The following TOP1 variants were observed in gnomAD, a reference collection of about 807,000 sequenced individuals.
TOP1 encodes DNA topoisomerase 1.
A neutral mutation model predicts 111.1 loss-of-function variants in TOP1; 10 were observed. The ratio of observed to expected loss-of-function variants is 0.09; its 90% CI spans 0.06 to 0.15. The LOEUF is 0.15. TOP1 is among the 10% of genes least tolerant of loss of function. The pLI, the probability that TOP1 is intolerant of heterozygous loss-of-function variation, is 1.00. For missense variants in TOP1, 474 were observed against 926.7 expected (o/e 0.51, Z 6.34); for synonymous variants, 271 against 302.9 (o/e 0.89, Z 1.10).
In TOP1 at chr20:41,082,522, A is replaced by T. The variant is rs1356799446; in HGVS notation, c.507+1282A>T. 6.6e-6 allele frequency among the ~76,000 whole-genome samples: 1 copy of T among 152,204 alleles called. No individual in the cohort carries two copies. Among genetic ancestry groups the T allele is most frequent in the Non-Finnish European group, 1.5e-5 (1 of 68,022 alleles). ...GTGCCAGCACACCAGCTACTATATTATCCTACCTCCCCTGGGACTTTGCTG... is the reference window on the plus strand; with the variant it reads ...GTGCCAGCACACCAGCTACTATATTTTCCTACCTCCCCTGGGACTTTGCTG... On this transcript the variant is annotated intron_variant, in intron 7 of 20. Coordinates refer to ENST00000361337, the MANE Select transcript of TOP1 (RefSeq NM_003286.4). This position sits in a 1 kb window ranked among gnomAD's most constrained non-coding sequence, Gnocchi z 4.1.
intron 18 of TOP1, among the ~76,000 whole-genome samples, chr20:41,120,719 A>G (rs2034408788): frequency 6.6e-6 from 1 of 152,218 alleles, no homozygotes; most frequent in Non-Finnish European, 1.5e-5. Flanking sequence ...TTGAGTGACA[A>G]CTAAGGTCCT....
rs2033077619 is a variant in TOP1, at chr20:41,028,996, A to C, written c.-72A>C. On this transcript the variant is annotated 5_prime_UTR_variant, in exon 1 of 21. Coordinates refer to ENST00000361337, the MANE Select transcript of TOP1 (RefSeq NM_003286.4). ...GCCTCCGGAGTCCCCGTCCGCCCGC[A>C]CAGGCCGGTTCGCCGTCTGCGTCTC... The C allele has an allele frequency of 7.2e-7, 1 of 1,385,642 alleles. No homozygotes were observed. Among genetic ancestry groups the C allele is most frequent in the African/African-American group, 1.5e-5 (1 of 67,526 alleles). 85.8% of individuals were successfully genotyped at this position (1,385,642 alleles called of 1,614,324 possible).
chr20:41,121,656 C>A lies in TOP1; in HGVS notation c.1951-40C>A. The A allele has an allele frequency of 6.5e-7, 1 of 1,541,544 alleles. No homozygotes were observed. Among genetic ancestry groups the A allele is most frequent in the Non-Finnish European group, 9.0e-7 (1 of 1,115,010 alleles). ...CACCTTCTCAGGTGGAGCCATTTTT[C>A]CTCTACAGCTCATAACCTTACCACT... On this transcript the variant is annotated intron_variant, in intron 18 of 20. Transcript: ENST00000361337. The surrounding 1 kb of genome is among the most constrained non-coding windows in gnomAD (Gnocchi z 4.2).
chr20:41,059,925 GC>G (rs1473479014), intron 2 of TOP1, among the ~76,000 whole-genome samples: 4 of 152,164 alleles, frequency 2.6e-5, no homozygotes, highest in African/African-American at 9.7e-5. Flanking sequence ...ACCAAAAGAT[GC>G]TTGTCATTAA....
At chr20:41,103,732 G>C (rs190412530) in intron 13 of TOP1, among the ~76,000 whole-genome samples, 1 of 152,192 alleles carries the variant, frequency 6.6e-6, no homozygotes, top group East Asian at 1.9e-4. Flanking sequence ...TCTTCCCTCA[G>C]AACGACCAAG....
intron 3 of TOP1, among the ~76,000 whole-genome samples, chr20:41,064,479 C>A (rs2033583765): frequency 6.6e-6 from 1 of 152,220 alleles, no homozygotes; most frequent in Non-Finnish European, 1.5e-5. Context: ...AATGCACAGT[C>A]ATTCCTTAAC....
Position 41,116,507 on chromosome 20 carries a change from A to C in TOP1, c.1822+115A>C, listed in dbSNP as rs1166794986. ...TTTTTCCCTACCATTGTGGTCAGAC[A>C]CTTTTTCCCTTTAGACCTCTAGTAG... On this transcript the variant is annotated intron_variant, in intron 17 of 20. Transcript: ENST00000361337. This position sits in a 1 kb window ranked among gnomAD's most constrained non-coding sequence, Gnocchi z 5.6. 2 of 743,510 alleles carry C rather than the reference A, an allele frequency of 2.7e-6. No individual in the cohort carries two copies. The highest frequency in any genetic ancestry group is 2.4e-5 in the Admixed American group (1 of 41,860). 46.1% of individuals were successfully genotyped at this position (743,510 alleles called of 1,614,324 possible).
Position 41,061,590 on chromosome 20 carries a change from A to G in TOP1, c.155+100A>G, listed in dbSNP as rs532831179. 2.0e-6 allele frequency: 2 copies of G among 1,001,160 alleles called. No individual in the cohort carries two copies. The highest frequency in any genetic ancestry group is 2.1e-4 in the Middle Eastern group (1 of 4,766). The allele number at this position is 1,001,160 out of a possible 1,614,324, so 62.0% of individuals were successfully genotyped here. ...CTTAACTTGAGCTACATGTAAAGAT[A>G]GCAAAGTAAGTAGAAACTGTATTTG... is the stretch of plus-strand genomic sequence containing the variant. On this transcript the variant is annotated intron_variant, in intron 3 of 20. Coordinates refer to ENST00000361337, the MANE Select transcript of TOP1 (RefSeq NM_003286.4). This position sits in a 1 kb window ranked among gnomAD's most constrained non-coding sequence, Gnocchi z 4.6.
intron 2 of TOP1, among the ~76,000 whole-genome samples, chr20:41,044,270 C>T (rs2122600227): frequency 6.6e-6 from 1 of 152,082 alleles, no homozygotes; most frequent in Non-Finnish European, 1.5e-5. Context: ...AGCAAAACTC[C>T]TTCTCAAAAA....
Position 41,115,567 on chromosome 20 carries a change from C to A in TOP1, c.1707+128C>A. ...CTGGCCTGCTCTGTGGCATCCCATA[C>A]ACTCTCTCTTCCTCCCTCTGAGTCC... On this transcript the variant is annotated intron_variant, in intron 16 of 20. Coordinates refer to ENST00000361337, the MANE Select transcript of TOP1 (RefSeq NM_003286.4). The surrounding 1 kb of genome is among the most constrained non-coding windows in gnomAD (Gnocchi z 6.3). 4.6e-6 allele frequency: 3 copies of A among 658,434 alleles called. No homozygotes were observed. The South Asian group carries it at 5.2e-5, about 11-fold the overall frequency. 40.8% of individuals were successfully genotyped at this position (658,434 alleles called of 1,614,324 possible).
intron 14 of TOP1, among the ~76,000 whole-genome samples, chr20:41,113,669 A>T (rs2038175296): frequency 6.6e-6 from 1 of 151,154 alleles, no homozygotes; most frequent in Non-Finnish European, 1.5e-5. Flanking sequence ...CGAGGTCAAG[A>T]GACCATCCTG....
rs1009739587 is a variant in TOP1 at position 41,082,694 on chromosome 20, G to A, written c.507+1454G>A. The stretch of plus-strand genomic sequence containing the variant: ...TTTGACAACTAGTCTATTCTTGGCC[G>A]AAGTTCAAATTAATAAGCACTAATT... On this transcript the variant is annotated intron_variant, in intron 7 of 20. Transcript: ENST00000361337. The surrounding 1 kb of genome is among the most constrained non-coding windows in gnomAD (Gnocchi z 4.1). Among the ~76,000 whole-genome samples, 1 of 152,164 alleles carries A rather than the reference G, an allele frequency of 6.6e-6. No homozygotes were observed. Among genetic ancestry groups the A allele is most frequent in the Admixed American group, 6.5e-5 (1 of 15,270 alleles).
Position 41,115,507 on chromosome 20 carries a change from G to A in TOP1, c.1707+68G>A, listed in dbSNP as rs552151097. 9.6e-6 allele frequency: 12 copies of A among 1,255,844 alleles called. No individual in the cohort carries two copies. The African/African-American group carries it at 1.8e-4, about 19-fold the overall frequency. 77.8% of individuals were successfully genotyped at this position (1,255,844 alleles called of 1,614,324 possible). On this transcript the variant is annotated intron_variant, in intron 16 of 20. Transcript: ENST00000361337. This position sits in a 1 kb window ranked among gnomAD's most constrained non-coding sequence, Gnocchi z 6.3. ...GAGCCTCACAGTACCTAAAGGGGAG[G>A]GTTGCTGGCAGATGACTTGGGCTCT... is the stretch of plus-strand genomic sequence containing the variant.
chr20:41,098,630 C>T lies in TOP1; in HGVS notation c.975+293C>T. On this transcript the variant is annotated intron_variant, in intron 11 of 20. Coordinates refer to ENST00000361337, the MANE Select transcript of TOP1 (RefSeq NM_003286.4). The surrounding 1 kb of genome is among the most constrained non-coding windows in gnomAD (Gnocchi z 5.7). ...GTAATTAAGGATGGGCAGACCTGTCCCACAGTGGCTACTGGATATTAAGGA... is the reference window on the plus strand; with the variant it reads ...GTAATTAAGGATGGGCAGACCTGTCTCACAGTGGCTACTGGATATTAAGGA... 3.7e-6 allele frequency: 1 copy of T among 268,178 alleles called. No homozygotes were observed. The highest frequency in any genetic ancestry group is 7.1e-6 in the Non-Finnish European group (1 of 140,480). 16.6% of individuals were successfully genotyped at this position (268,178 alleles called of 1,614,324 possible).
At chr20:41,031,121 C>T (rs1027489898) in intron 2 of TOP1, among the ~76,000 whole-genome samples, 4 of 152,076 alleles carry the variant, frequency 2.6e-5, no homozygotes, top group East Asian at 1.9e-4. Context: ...GAAGACTGGG[C>T]GCAGAGAATT....
Position 41,035,422 on chromosome 20 carries a change from C to A in TOP1, c.58+5967C>A, listed in dbSNP as rs376022345. 2.5e-4 allele frequency among the ~76,000 whole-genome samples: 38 copies of A among 152,274 alleles called. No individual in the cohort carries two copies. The East Asian group carries it at 4.6e-3, about 19-fold the overall frequency. On this transcript the variant is annotated intron_variant, in intron 2 of 20. Coordinates refer to ENST00000361337, the MANE Select transcript of TOP1 (RefSeq NM_003286.4). ...CTGTGGATTCAAGGAGCCTAAAGAA[C>A]ACAGTTCATTAGCATTCCTAAGAAA...
chr20:41,048,316 A>T (rs1254858811), intron 2 of TOP1, among the ~76,000 whole-genome samples: 35 of 152,202 alleles, frequency 2.3e-4, no homozygotes, highest in Admixed American at 2.3e-3. Context: ...GATTATAGTT[A>T]CCTGGAGAGC....
chr20:41,076,824 G>A (rs2033732801), intron 4 of TOP1, among the ~76,000 whole-genome samples: 1 of 152,120 alleles, frequency 6.6e-6, no homozygotes, highest in Non-Finnish European at 1.5e-5. Context: ...AAGGAATATG[G>A]TGAAGAAGAC....
At position 41,058,035 on chromosome 20, in the gene TOP1, G is replaced by C. The variant is rs1600564277; in HGVS notation, c.59-3359G>C. ...TTTTTAGAAGAAGCTGAAGGGTTCTGTATGCTGCATGGAAGATTGAGTTCA... is the reference window on the plus strand; with the variant it reads ...TTTTTAGAAGAAGCTGAAGGGTTCTCTATGCTGCATGGAAGATTGAGTTCA... On this transcript the variant is annotated intron_variant, in intron 2 of 20. Coordinates refer to ENST00000361337, the MANE Select transcript of TOP1 (RefSeq NM_003286.4). This position sits in a 1 kb window ranked among gnomAD's most constrained non-coding sequence, Gnocchi z 4.2. 6.6e-6 allele frequency among the ~76,000 whole-genome samples: 1 copy of C among 152,210 alleles called. No homozygotes were observed. The highest frequency in any genetic ancestry group is 1.5e-5 in the Non-Finnish European group (1 of 68,030).
Sources: allele counts gnomAD v4.1 joint callset (sites outside exome capture counted in the v4.1 genomes callset), GRCh38; gene constraint gnomAD v4.1.1; non-coding constraint Gnocchi (gnomAD v3.1); transcripts MANE v1.5; gene names NCBI Gene and HGNC (gene_info 2026-07-23, HGNC 2026-07-21).